REEP3: variants seen among roughly 807,000 people sequenced by gnomAD.
REEP3 encodes the protein receptor expression-enhancing protein 3.
Under a neutral mutation model 41.3 loss-of-function variants are expected in REEP3, and 20 were observed. The ratio of observed to expected loss-of-function variants is 0.48; its 90% CI spans 0.34 to 0.70. REEP3 has a LOEUF of 0.70. REEP3 is among the 30% of genes least tolerant of loss of function. The pLI, the probability that REEP3 is intolerant of heterozygous loss-of-function variation, is 0.01. For synonymous variants in REEP3, 104 were observed against 101.8 expected, an observed-to-expected ratio of 1.02 and a Z score of -0.13; for missense variants, 271 against 308.8, an observed-to-expected ratio of 0.88 and a Z score of 0.92.
intron 1 of REEP3, among the ~76,000 whole-genome samples, chr10:63,543,957 C>T (rs1955554393): frequency 6.6e-6 from 1 of 152,184 alleles, no homozygotes; most frequent in South Asian, 2.1e-4. Flanking sequence ...GAAAGGTTAA[C>T]AACTTGCCCA....
intron 2 of REEP3, among the ~76,000 whole-genome samples, chr10:63,575,382 T>C (rs1054125941): frequency 6.6e-6 from 1 of 152,224 alleles, no homozygotes; most frequent in Admixed American, 6.5e-5. Context: ...TCCGTTATAG[T>C]CAATTTTGCT....
At chr10:63,593,803 G>A (rs1241598025) in intron 2 of REEP3, among the ~76,000 whole-genome samples, 1 of 152,200 alleles carries the variant, frequency 6.6e-6, no homozygotes, top group African/African-American at 2.4e-5. Context: ...TGACTCAGAA[G>A]AGATTAAAAC....
At chr10:63,615,016 T>C (rs1281055749) in intron 6 of REEP3, among the ~76,000 whole-genome samples, 2 of 152,198 alleles carry the variant, frequency 1.3e-5, no homozygotes, top group Non-Finnish European at 2.9e-5. Context: ...AGGTGGTTTA[T>C]TAGCTGTGAA....
intron 5 of REEP3, among the ~76,000 whole-genome samples, chr10:63,605,153 AAAAG>A (rs2133421901): frequency 6.6e-6 from 1 of 152,378 alleles, no homozygotes; most frequent in East Asian, 1.9e-4. Flanking sequence ...AGAAAAAACT[AAAAG>A]AATATATAAA....
intron 1 of REEP3, among the ~76,000 whole-genome samples, chr10:63,551,563 A>G (rs1955629132): frequency 6.6e-6 from 1 of 152,164 alleles, no homozygotes; most frequent in South Asian, 2.1e-4. Context: ...CAGCCACATC[A>G]TCTTTGTGAT....
intron 4 of REEP3, 106 bp downstream of exon 4, chr10:63,598,250 T>C: frequency 1.4e-6 from 1 of 694,514 alleles, no homozygotes; most frequent in Non-Finnish European, 2.2e-6. Flanking sequence ...GAGGCTGAGG[T>C]GGGTGGATCA....
intron 5 of REEP3, among the ~76,000 whole-genome samples, chr10:63,609,309 A>G (rs921536508): frequency 1.3e-5 from 2 of 151,914 alleles, no homozygotes; most frequent in African/African-American, 4.8e-5. Flanking sequence ...AAAATTAGCC[A>G]GGCGTGGTGG....
chr10:63,625,003 A>G lies in REEP3; in HGVS notation c.*4134A>G, dbSNP rs1011437574. The G allele has an allele frequency of 7.2e-5, 11 of 152,176 alleles. No individual in the cohort carries two copies. The highest frequency in any genetic ancestry group is 2.4e-4 in the African/African-American group (10 of 41,456). 9.4% of individuals were successfully genotyped at this position (152,176 alleles called of 1,614,324 possible). A position where few individuals can be genotyped will look rare whatever the true frequency, so the allele number is the denominator to read the frequency against. On this transcript the variant is annotated 3_prime_UTR_variant, in exon 8 of 8. Transcript: ENST00000373758. ...TCTTTGTGTTACTTCATTATGACACATAATGCGTGTTAAGGTCTTTCTAGA... is the reference window on the plus strand; with the variant it reads ...TCTTTGTGTTACTTCATTATGACACGTAATGCGTGTTAAGGTCTTTCTAGA...
At chr10:63,550,173 C>T (rs983813186) in intron 1 of REEP3, among the ~76,000 whole-genome samples, 1 of 152,182 alleles carries the variant, frequency 6.6e-6, no homozygotes, top group Non-Finnish European at 1.5e-5. Context: ...CATGTATTCT[C>T]ACCAAGGGAG....
intron 2 of REEP3, among the ~76,000 whole-genome samples, chr10:63,592,689 G>C (rs756711948): frequency 6.6e-6 from 1 of 150,742 alleles, no homozygotes; most frequent in South Asian, 2.1e-4. Flanking sequence ...TCAGGAGTTC[G>C]AGACCAGTCT....
chr10:63,604,144 A>C (rs1163473041), intron 5 of REEP3, among the ~76,000 whole-genome samples: 2 of 152,250 alleles, frequency 1.3e-5, no homozygotes, highest in Non-Finnish European at 2.9e-5. Context: ...GAGCATGTTA[A>C]AGGTGAAAAT....
rs554479779 is a variant in REEP3, at chr10:63,572,173, T to A, written c.105+5763T>A. ...GTAAAGTTCCTCCTTTAAAAAAAAA[T>A]AAAATCCCTTAAATCTTGACAATCT... On this transcript the variant is annotated intron_variant, in intron 2 of 7. Transcript: ENST00000373758. Among the ~76,000 whole-genome samples the A allele has an allele frequency of 1.1e-4, 17 of 152,204 alleles. 1 individual carries two copies. The highest frequency in any genetic ancestry group is 1.1e-3 in the Admixed American group (17 of 15,294).
intron 1 of REEP3, among the ~76,000 whole-genome samples, chr10:63,523,911 G>A (rs141506892): frequency 9.8e-5 from 15 of 152,304 alleles, no homozygotes; most frequent in Admixed American, 1.3e-4. Context: ...ATGGAGACCT[G>A]GAAGACAAGG....
intron 2 of REEP3, among the ~76,000 whole-genome samples, chr10:63,581,901 T>C (rs1955957774): frequency 6.6e-6 from 1 of 152,072 alleles, no homozygotes; most frequent in South Asian, 2.1e-4. Context: ...GTATTTTTCT[T>C]TTAAATGATG....
At chr10:63,607,845 T>G (rs551858681) in intron 5 of REEP3, among the ~76,000 whole-genome samples, 11 of 152,200 alleles carry the variant, frequency 7.2e-5, no homozygotes, top group Non-Finnish European at 1.6e-4. Context: ...TGATTATGCT[T>G]GTTAAACATA....
intron 2 of REEP3, among the ~76,000 whole-genome samples, chr10:63,579,045 G>T (rs57164705): frequency 6.8e-6 from 1 of 147,438 alleles, no homozygotes; most frequent in Admixed American, 6.8e-5. Context: ...TTTTTTTGGG[G>T]GGGGGGAGAT....
intron 2 of REEP3, among the ~76,000 whole-genome samples, chr10:63,579,040 T>G (rs1270117514): frequency 1.7e-5 from 2 of 114,752 alleles, no homozygotes; most frequent in Admixed American, 1.8e-4. Context: ...GTGTTTTTTT[T>G]TGGGGGGGGG....
intron 1 of REEP3, among the ~76,000 whole-genome samples, chr10:63,538,775 T>C (rs1438011097): frequency 6.6e-6 from 1 of 152,072 alleles, no homozygotes. Flanking sequence ...AAATGAACAT[T>C]ATTAAATGGT....
At chr10:63,612,136 C>A (rs1956281408) in intron 6 of REEP3, among the ~76,000 whole-genome samples, 1 of 151,858 alleles carries the variant, frequency 6.6e-6, no homozygotes, top group East Asian at 1.9e-4. Context: ...CTAATGTAGA[C>A]ATTTCCTTTT....
Sources: gnomAD v4.1 joint callset for allele counts (sites outside exome capture counted in the v4.1 genomes callset) on GRCh38, gnomAD v4.1.1 for gene constraint, MANE v1.5 for transcripts, NCBI Gene and HGNC (gene_info 2026-07-23, HGNC 2026-07-21) for gene names.